PRICKLE2: variants seen among roughly 807,000 people sequenced by gnomAD.
PRICKLE2 encodes the protein prickle-like protein 2.
Under a neutral mutation model 81.4 loss-of-function variants are expected in PRICKLE2, and 21 were observed. That is an observed-to-expected ratio of 0.26 (90% CI 0.18 to 0.37). The LOEUF (loss-of-function observed/expected upper bound fraction) is 0.37, where lower values mean the gene tolerates loss of function less well. Among genes scored for constraint, PRICKLE2 ranks in the 10% least tolerant of loss-of-function variants. PRICKLE2 has a pLI of 1.00. For synonymous variants in PRICKLE2, 456 were observed against 421.5 expected (o/e 1.08, Z -1.00); for missense variants, 940 against 1,109.0 (o/e 0.85, Z 2.16).
At chr3:64,222,103 A>G (rs1445739382) in intron 1 of PRICKLE2, among the ~76,000 whole-genome samples, 1 of 152,204 alleles carries the variant, frequency 6.6e-6, no homozygotes, top group African/African-American at 2.4e-5. Context: ...AGTCAGTACC[A>G]GGAATTGGGC....
chr3:64,149,541 C>A (rs1437196823), intron 6 of PRICKLE2, among the ~76,000 whole-genome samples: 1 of 152,192 alleles, frequency 6.6e-6, no homozygotes, highest in East Asian at 1.9e-4. Flanking sequence ...GACCAGGACC[C>A]CTGCATTCTC....
In PRICKLE2 at chr3:64,225,368, A is replaced by T. The variant is rs2079017045; in HGVS notation, c.-499T>A. 2 of 985,160 alleles carry T rather than the reference A, an allele frequency of 2.0e-6. No homozygotes were observed. The highest frequency in any genetic ancestry group is 1.7e-5 in the African/African-American group (1 of 57,178). The allele number at this position is 985,160 out of a possible 1,614,324, so 61.0% of individuals were successfully genotyped here. On this transcript the variant is annotated 5_prime_UTR_variant, in exon 1 of 8. Transcript: ENST00000638394. ...GGGGTGACTAGTCAGCTGCTCACAG[A>T]GCTCAAGCCACTGAACCAGGAAATG...
intron 2 of PRICKLE2, among the ~76,000 whole-genome samples, chr3:64,261,067 AC>A (rs2079609079): frequency 6.6e-6 from 1 of 152,172 alleles, no homozygotes; most frequent in African/African-American, 2.4e-5. Context: ...CCTCACTTGT[AC>A]AGAGTGCTGA....
chr3:64,197,432 T>A (rs1481812895), intron 2 of PRICKLE2, among the ~76,000 whole-genome samples: 3 of 152,194 alleles, frequency 2.0e-5, no homozygotes, highest in African/African-American at 7.2e-5. Context: ...CACTTTTTAA[T>A]GGGATTGTTT....
At chr3:64,112,470 G>T (rs540741785) in intron 7 of PRICKLE2, among the ~76,000 whole-genome samples, 1 of 152,092 alleles carries the variant, frequency 6.6e-6, no homozygotes, top group African/African-American at 2.4e-5. Context: ...GCTGACAGAT[G>T]GATAAATGGG....
At position 64,094,337 on chromosome 3, in the gene PRICKLE2, G is replaced by A. The variant is rs904540635; in HGVS notation, c.*4714C>T. 1 of 152,166 alleles carries A rather than the reference G, an allele frequency of 6.6e-6. No homozygotes were observed. The highest frequency in any genetic ancestry group is 2.4e-5 in the African/African-American group (1 of 41,438). The allele number at this position is 152,166 out of a possible 1,614,324, so 9.4% of individuals were successfully genotyped here. On this transcript the variant is annotated 3_prime_UTR_variant, in exon 8 of 8. Coordinates refer to ENST00000638394, the MANE Select transcript of PRICKLE2 (RefSeq NM_198859.4). ...ACCTTACTGGTAAGTAACTCTCTCT[G>A]AAAAATTTAGAAAAGCTTGGTCAGT...
intron 1 of PRICKLE2, among the ~76,000 whole-genome samples, chr3:64,210,846 A>C (rs1415837614): frequency 1.3e-5 from 2 of 152,250 alleles, no homozygotes; most frequent in Non-Finnish European, 2.9e-5. Flanking sequence ...GCAGTATCTT[A>C]GATTGGTTTT....
At chr3:64,115,344 A>C (rs1290174626) in intron 7 of PRICKLE2, among the ~76,000 whole-genome samples, 1 of 152,214 alleles carries the variant, frequency 6.6e-6, no homozygotes, top group Non-Finnish European at 1.5e-5. Flanking sequence ...AAATCTACAC[A>C]TATCAGTACT....
At chr3:64,130,142 A>G (rs2077175772) in intron 7 of PRICKLE2, among the ~76,000 whole-genome samples, 1 of 152,210 alleles carries the variant, frequency 6.6e-6, no homozygotes, top group African/African-American at 2.4e-5. Flanking sequence ...GATAATCACT[A>G]TCAATGTGGT....
At chr3:64,101,984 A>C (rs976274049) in intron 7 of PRICKLE2, 1 of 152,198 alleles carries the variant, frequency 6.6e-6, no homozygotes, top group African/African-American at 2.4e-5. Flanking sequence ...CCTCCAGTTG[A>C]GATGTACTCA....
In PRICKLE2 at chr3:64,158,320, A is replaced by C. The variant is rs948048033; in HGVS notation, c.397-955T>G. On this transcript the variant is annotated intron_variant, in intron 4 of 7. Coordinates refer to ENST00000638394, the MANE Select transcript of PRICKLE2 (RefSeq NM_198859.4). ...TAGAAAATGAAGTAAAGACCTCACA[A>C]ACAGTCTCTGGGAACTCATCCACGT... 6.6e-5 allele frequency among the ~76,000 whole-genome samples: 10 copies of C among 152,304 alleles called. No homozygotes were observed. In the East Asian group the frequency reaches 1.9e-3, roughly 29 times the overall value.
chr3:64,133,839 T>C (rs1309094727), intron 7 of PRICKLE2, among the ~76,000 whole-genome samples: 4 of 152,172 alleles, frequency 2.6e-5, no homozygotes, highest in Non-Finnish European at 5.9e-5. Context: ...GGGGTCAACA[T>C]GGGTCTGGAT....
intron 7 of PRICKLE2, among the ~76,000 whole-genome samples, chr3:64,139,231 G>GT (rs2077323125): frequency 6.6e-6 from 1 of 152,184 alleles, no homozygotes; most frequent in Non-Finnish European, 1.5e-5. Flanking sequence ...ATCAAAGAAG[G>GT]TAGGAAGCCC....
At chr3:64,120,448 T>G (rs1264624535) in intron 7 of PRICKLE2, among the ~76,000 whole-genome samples, 1 of 152,126 alleles carries the variant, frequency 6.6e-6, no homozygotes, top group Non-Finnish European at 1.5e-5. Flanking sequence ...ATGAGCACCT[T>G]GCCCAAGGTC....
At chr3:64,267,241 C>T (rs575888596) in intron 2 of PRICKLE2, among the ~76,000 whole-genome samples, 1 of 152,184 alleles carries the variant, frequency 6.6e-6, no homozygotes, top group South Asian at 2.1e-4. Flanking sequence ...CTATACACTC[C>T]CCCATGTAGA....
intron 2 of PRICKLE2, 125 bp downstream of exon 2, chr3:64,198,659 T>C (rs1401876331): frequency 9.4e-7 from 1 of 1,062,786 alleles, no homozygotes. Flanking sequence ...ATCTTCAACA[T>C]ATTTAGCCCT....
chr3:64,120,158 C>T (rs1378514640), intron 7 of PRICKLE2, among the ~76,000 whole-genome samples: 4 of 152,062 alleles, frequency 2.6e-5, no homozygotes, highest in African/African-American at 4.8e-5. Flanking sequence ...CTCAGCATCA[C>T]GTACTACACC....
intron 2 of PRICKLE2, among the ~76,000 whole-genome samples, chr3:64,243,684 G>C (rs1397851448): frequency 2.6e-5 from 4 of 152,234 alleles, no homozygotes; most frequent in Non-Finnish European, 4.4e-5. Context: ...GCCCTTAGCA[G>C]AGTGCCTGAC....
intron 2 of PRICKLE2, among the ~76,000 whole-genome samples, chr3:64,192,174 T>G (rs2078355474): frequency 6.6e-6 from 1 of 152,208 alleles, no homozygotes; most frequent in Non-Finnish European, 1.5e-5. Context: ...TTTTATCTCT[T>G]CAGTGTGATG....
Sources: gnomAD v4.1 joint callset for allele counts (sites outside exome capture counted in the v4.1 genomes callset) on GRCh38, gnomAD v4.1.1 for gene constraint, MANE v1.5 for transcripts, NCBI Gene and HGNC (gene_info 2026-07-23, HGNC 2026-07-21) for gene names.